CPLX1: variants seen among roughly 807,000 people sequenced by gnomAD.
CPLX1 encodes complexin 1.
Under a neutral mutation model 15.6 loss-of-function variants are expected in CPLX1, and 6 were observed. The observed-to-expected ratio is 0.39, with a 90% CI of 0.21 to 0.76. CPLX1 has a LOEUF of 0.76. Ranked by LOEUF, CPLX1 falls within the 30% of genes least tolerant of loss-of-function variation. The pLI, the probability that CPLX1 is intolerant of heterozygous loss-of-function variation, is 0.43. For synonymous variants in CPLX1, 91 were observed against 75.2 expected (o/e 1.21, Z -1.08); for missense variants, 242 against 188.6 (o/e 1.28, Z -1.66).
chr4:791,613 T>C (rs1577470058), intron 3 of CPLX1, among the ~76,000 whole-genome samples: 1 of 151,656 alleles, frequency 6.6e-6, no homozygotes, highest in Non-Finnish European at 1.5e-5. Context: ...GTCCCGGGAG[T>C]CTGAACCTTC....
At chr4:814,636 G>A (rs1249929764) in intron 2 of CPLX1, among the ~76,000 whole-genome samples, 1 of 152,218 alleles carries the variant, frequency 6.6e-6, no homozygotes, top group East Asian at 1.9e-4. Flanking sequence ...CTATTGCAGT[G>A]GTGGATTAAA....
At chr4:813,679 A>C (rs1225410029) in intron 2 of CPLX1, among the ~76,000 whole-genome samples, 6 of 152,214 alleles carry the variant, frequency 3.9e-5, no homozygotes, top group African/African-American at 1.4e-4. Context: ...TCTGCACCCT[A>C]CAGAGCCCTC....
intron 2 of CPLX1, among the ~76,000 whole-genome samples, chr4:820,913 G>A (rs891565221): frequency 6.6e-6 from 1 of 152,128 alleles, no homozygotes; most frequent in African/African-American, 2.4e-5. Context: ...GGGGCGCGGA[G>A]GGGCTCTCCC....
At chr4:810,752 A>G (rs887069443) in intron 2 of CPLX1, among the ~76,000 whole-genome samples, 1 of 149,876 alleles carries the variant, frequency 6.7e-6, no homozygotes, top group African/African-American at 2.5e-5. Context: ...GCTGGAGTGC[A>G]ATGGCGTGGT....
At chr4:796,760 TAAG>T (rs554741369) in intron 2 of CPLX1, among the ~76,000 whole-genome samples, 111 of 152,324 alleles carry the variant, frequency 7.3e-4, no homozygotes, top group African/African-American at 2.6e-3. Flanking sequence ...TCCGAAGAAT[TAAG>T]AAGAAAATTC....
rs561305838 is a variant in CPLX1, at chr4:823,943, G to A, written c.31+549C>T. Among the ~76,000 whole-genome samples, 7 of 152,328 alleles carry A rather than the reference G, an allele frequency of 4.6e-5. No individual in the cohort carries two copies. In the South Asian group the frequency reaches 1.0e-3, roughly 23 times the overall value. ...CAAGCTGTTTCGGGCCTTTTCCTTC[G>A]CTCCCGTAACCAGCAAGCCCTGGTC... On this transcript the variant is annotated intron_variant, in intron 2 of 3. Transcript: ENST00000304062.
intron 2 of CPLX1, among the ~76,000 whole-genome samples, chr4:824,091 G>C (rs1188497793): frequency 6.6e-6 from 1 of 152,230 alleles, no homozygotes; most frequent in Admixed American, 6.5e-5. Flanking sequence ...CCACCGCTTG[G>C]CTCTCCTCAT....
intron 2 of CPLX1, among the ~76,000 whole-genome samples, chr4:810,702 T>C (rs1030014015): frequency 4.7e-5 from 7 of 149,982 alleles, no homozygotes; most frequent in Admixed American, 1.3e-4. Flanking sequence ...TTCTTTTTCT[T>C]TTTTTTTTTT....
At position 785,552 on chromosome 4, in the gene CPLX1, G is replaced by A. The variant is rs1437843333; in HGVS notation, c.*949C>T. 2 of 152,298 alleles carry A rather than the reference G, an allele frequency of 1.3e-5. No individual in the cohort carries two copies. Among genetic ancestry groups the A allele is most frequent in the Non-Finnish European group, 2.9e-5 (2 of 68,012 alleles). 9.4% of individuals were successfully genotyped at this position (152,298 alleles called of 1,614,324 possible). A position where few individuals can be genotyped will look rare whatever the true frequency, so the allele number is the denominator to read the frequency against. On this transcript the variant is annotated 3_prime_UTR_variant, in exon 4 of 4. Transcript: ENST00000304062. ...TTAAACATGAATGGAGGAGAAACAG[G>A]GGCTCGGATGCCGCCCCGCAGGGCC... is the stretch of plus-strand genomic sequence containing the variant.
At chr4:797,368 C>A (rs1230582909) in intron 2 of CPLX1, among the ~76,000 whole-genome samples, 1 of 152,188 alleles carries the variant, frequency 6.6e-6, no homozygotes, top group African/African-American at 2.4e-5. Context: ...AGCTCTGTCG[C>A]CCAAGCTAGA....
intron 3 of CPLX1, chr4:787,931 C>T (rs1028273265): frequency 3.0e-6 from 3 of 985,264 alleles, no homozygotes; most frequent in Non-Finnish European, 2.4e-6. Context: ...CGGAGCTGGA[C>T]TTCCATCCCC....
In CPLX1 at chr4:790,942, TTCTCTGTCTCTCCCTCTCTGTGTC is replaced by T. The variant is rs1478577906; in HGVS notation, c.207+1467_207+1490del. On this transcript the variant is annotated intron_variant, in intron 3 of 3. Transcript: ENST00000304062. ...TCTCTCTTTCCCTCTTTTTGTCTTT[TTCTCTGTCTCTCCCTCTCTGTGTC>T]TCTGTCTCTCCCTCTGTCTTCTCTC... is the stretch of plus-strand genomic sequence containing the variant. Among the ~76,000 whole-genome samples, 12 of 151,084 alleles carry T rather than the reference TTCTCTGTCTCTCCCTCTCTGTGTC, an allele frequency of 7.9e-5. 1 individual carries two copies. Among genetic ancestry groups the T allele is most frequent in the African/African-American group, 2.2e-4 (9 of 41,014 alleles).
At chr4:819,651 T>C (rs376912978) in intron 2 of CPLX1, among the ~76,000 whole-genome samples, 3 of 140,142 alleles carry the variant, frequency 2.1e-5, no homozygotes, top group African/African-American at 7.6e-5. Flanking sequence ...TCAGGCACTG[T>C]GGGACGCCTG....
intron 2 of CPLX1, among the ~76,000 whole-genome samples, chr4:811,160 C>T (rs1385818016): frequency 1.3e-5 from 2 of 152,114 alleles, no homozygotes; most frequent in Non-Finnish European, 2.9e-5. Flanking sequence ...CTGCCATGCC[C>T]AGCTAATTTT....
intron 2 of CPLX1, among the ~76,000 whole-genome samples, chr4:798,625 G>C (rs1746391013): frequency 6.6e-6 from 1 of 152,176 alleles, no homozygotes; most frequent in African/African-American, 2.4e-5. Context: ...TCGAACTCCT[G>C]GGCTCAAGTG....
At chr4:815,472 G>A (rs4417916) in intron 2 of CPLX1, among the ~76,000 whole-genome samples, 2,451 of 149,972 alleles carry the variant, frequency 0.016, 56 homozygotes, top group African/African-American at 0.052. Flanking sequence ...AAGTGTAATC[G>A]CAGTGCACTG....
intron 2 of CPLX1, among the ~76,000 whole-genome samples, chr4:819,672 G>A (rs998927222): frequency 2.6e-5 from 4 of 152,188 alleles, no homozygotes; most frequent in South Asian, 2.1e-4. Flanking sequence ...CCCAACACCC[G>A]GCCTCTGTTT....
chr4:796,443 G>A (rs1240461264), intron 2 of CPLX1, among the ~76,000 whole-genome samples: 2 of 152,054 alleles, frequency 1.3e-5, no homozygotes, highest in African/African-American at 2.4e-5. Context: ...GCGCCACCAC[G>A]CCTGGCTAAT....
Position 786,370 on chromosome 4 carries a change from G to A in CPLX1, c.*131C>T. 9.9e-7 allele frequency: 1 copy of A among 1,014,332 alleles called. No individual in the cohort carries two copies. Among genetic ancestry groups the A allele is most frequent in the Non-Finnish European group, 1.3e-6 (1 of 751,798 alleles). 62.8% of individuals were successfully genotyped at this position (1,014,332 alleles called of 1,614,324 possible). A position where few individuals can be genotyped will look rare whatever the true frequency, so the allele number is the denominator to read the frequency against. On this transcript the variant is annotated 3_prime_UTR_variant, in exon 4 of 4. Transcript: ENST00000304062. ...GCCGGGTGAGGGAGGCGGCGGGCGC[G>A]GGCAGGGCGGGCCTGGGGCTATGGC... is the stretch of plus-strand genomic sequence containing the variant.
Sources: gnomAD v4.1 joint callset for allele counts (sites outside exome capture counted in the v4.1 genomes callset) on GRCh38, gnomAD v4.1.1 for gene constraint, MANE v1.5 for transcripts, NCBI Gene and HGNC (gene_info 2026-07-23, HGNC 2026-07-21) for gene names.